The following NPAS3 variants were observed in gnomAD, a reference collection of about 807,000 sequenced individuals.
NPAS3 encodes the protein neuronal PAS domain protein 3, also known as neuronal PAS domain-containing protein 3.
NPAS3 carries 14 observed loss-of-function variants against 73.1 expected under a neutral mutation model. The ratio of observed to expected loss-of-function variants is 0.19; its 90% CI spans 0.13 to 0.30. The LOEUF is 0.30. NPAS3 is among the 10% of genes least tolerant of loss of function. NPAS3 has a pLI of 1.00. For synonymous variants in NPAS3, 620 were observed against 541.5 expected, an observed-to-expected ratio of 1.14 and a Z score of -2.01; for missense variants, 1,096 against 1,250.0, an observed-to-expected ratio of 0.88 and a Z score of 1.86.
intron 2 of NPAS3, 53 bp downstream of exon 2, chr14:33,056,047 G>A: frequency 1.3e-6 from 1 of 749,800 alleles, no homozygotes; most frequent in Non-Finnish European, 2.4e-6. Context: ...CAGTGCTTGT[G>A]GTTGCCAGCT....
chr14:33,531,917 T>C, intron 4 of NPAS3, among the ~76,000 whole-genome samples: 1 of 152,164 alleles, frequency 6.6e-6, no homozygotes, highest in East Asian at 1.9e-4. Flanking sequence ...ATTTTGCAAA[T>C]GGCTAGTGAT....
At chr14:33,208,271 G>A (rs2046905411) in intron 2 of NPAS3, among the ~76,000 whole-genome samples, 1 of 152,134 alleles carries the variant, frequency 6.6e-6, no homozygotes, top group African/African-American at 2.4e-5. Flanking sequence ...GAATCAAGGT[G>A]AACATCAGTT....
rs114430122 is a variant in NPAS3 at position 33,411,540 on chromosome 14, G to A, written c.468+44272G>A. The stretch of plus-strand genomic sequence containing the variant: ...TGCTACTGGAATCTAGGGGATAGAA[G>A]CCAGGGTTACTGTTAAATATCCTCC... On this transcript the variant is annotated intron_variant, in intron 4 of 11. Coordinates refer to ENST00000356141, the Ensembl canonical transcript of NPAS3. 1.2e-3 allele frequency among the ~76,000 whole-genome samples: 178 copies of A among 152,250 alleles called. 3 individuals are homozygous for A. The highest frequency in any genetic ancestry group is 3.4e-3 in the Middle Eastern group (1 of 294).
intron 4 of NPAS3, among the ~76,000 whole-genome samples, chr14:33,478,514 G>T (rs575490938): frequency 6.6e-6 from 1 of 152,256 alleles, no homozygotes; most frequent in South Asian, 2.1e-4. Flanking sequence ...ATTTAAATAT[G>T]TATATGATTA....
intron 3 of NPAS3, among the ~76,000 whole-genome samples, chr14:33,332,251 C>T (rs559276880): frequency 6.6e-6 from 1 of 152,102 alleles, no homozygotes; most frequent in Admixed American, 6.5e-5. Flanking sequence ...GGCTTGACCT[C>T]TTAACTAAAA....
At chr14:33,030,536 A>G (rs979632635) in intron 1 of NPAS3, among the ~76,000 whole-genome samples, 5 of 152,200 alleles carry the variant, frequency 3.3e-5, no homozygotes, top group African/African-American at 1.2e-4. Context: ...TTGATCAGGA[A>G]GTATTCTGGC....
chr14:33,357,826 G>A (rs1184328799), intron 3 of NPAS3, among the ~76,000 whole-genome samples: 1 of 152,088 alleles, frequency 6.6e-6, no homozygotes. Context: ...ATCAGGGCGG[G>A]ACATGTCACA....
At chr14:33,315,518 G>A (rs1159756420) in intron 3 of NPAS3, among the ~76,000 whole-genome samples, 1 of 151,444 alleles carries the variant, frequency 6.6e-6, no homozygotes, top group Non-Finnish European at 1.5e-5. Context: ...GGGGGGGAGT[G>A]TGTTTGTGTG....
At chr14:33,703,364 T>C (rs935901005) in intron 6 of NPAS3, among the ~76,000 whole-genome samples, 2 of 152,078 alleles carry the variant, frequency 1.3e-5, no homozygotes, top group South Asian at 2.1e-4. Flanking sequence ...CTTAGTGGCA[T>C]GTACCTATAG....
chr14:33,776,682 A>G (rs868617145), intron 8 of NPAS3, among the ~76,000 whole-genome samples: 1 of 152,118 alleles, frequency 6.6e-6, no homozygotes. Context: ...GAGGAAAAGC[A>G]TATTGTGTGC....
chr14:33,117,283 T>C (rs899207810), intron 2 of NPAS3, among the ~76,000 whole-genome samples: 1 of 152,034 alleles, frequency 6.6e-6, no homozygotes, highest in African/African-American at 2.4e-5. Flanking sequence ...TAGAGGGGAT[T>C]TGACTGGGGA....
intron 3 of NPAS3, among the ~76,000 whole-genome samples, chr14:33,316,423 C>T (rs186680898): frequency 6.0e-4 from 91 of 152,160 alleles, no homozygotes; most frequent in Non-Finnish European, 1.1e-3. Context: ...GGAGAAGTTA[C>T]GTGGCATCCT....
chr14:33,160,736 C>CTTT (rs531842982), intron 2 of NPAS3, among the ~76,000 whole-genome samples: 33 of 147,514 alleles, frequency 2.2e-4, no homozygotes, highest in African/African-American at 6.7e-4. Flanking sequence ...TATTTATTTA[C>CTTT]TTTTTTTTTG....
At chr14:33,083,489 A>G (rs1377608019) in intron 2 of NPAS3, among the ~76,000 whole-genome samples, 3 of 152,180 alleles carry the variant, frequency 2.0e-5, no homozygotes, top group Non-Finnish European at 4.4e-5. Context: ...TTAACCTGCC[A>G]TAAGTTTACT....
intron 3 of NPAS3, among the ~76,000 whole-genome samples, chr14:33,220,408 T>C (rs1280978172): frequency 6.6e-6 from 1 of 152,220 alleles, no homozygotes. Context: ...TGTATTTGCC[T>C]TTACTTAGGT....
At chr14:33,122,491 T>C (rs978397617) in intron 2 of NPAS3, among the ~76,000 whole-genome samples, 1 of 152,082 alleles carries the variant, frequency 6.6e-6, no homozygotes, top group Non-Finnish European at 1.5e-5. Context: ...TTATTTTTAA[T>C]TGATTGATAT....
chr14:33,410,965 T>C (rs1286452364), intron 4 of NPAS3, among the ~76,000 whole-genome samples: 4 of 152,102 alleles, frequency 2.6e-5, no homozygotes, highest in Admixed American at 6.6e-5. Flanking sequence ...GTATTTTTAT[T>C]CTAACTCTGC....
At chr14:33,051,090 A>C (rs2040686673) in intron 1 of NPAS3, among the ~76,000 whole-genome samples, 1 of 151,026 alleles carries the variant, frequency 6.6e-6, no homozygotes, top group South Asian at 2.1e-4. Flanking sequence ...CTGGCTAACA[A>C]GGTGAAACCC....
intron 6 of NPAS3, among the ~76,000 whole-genome samples, chr14:33,705,714 A>G (rs1374842125): frequency 6.6e-6 from 1 of 152,232 alleles, no homozygotes; most frequent in African/African-American, 2.4e-5. Flanking sequence ...TGGGATACAG[A>G]TCAGTAACTG....
Sources: allele counts gnomAD v4.1 joint callset (sites outside exome capture counted in the v4.1 genomes callset), GRCh38; gene constraint gnomAD v4.1.1; transcripts MANE v1.5; gene names NCBI Gene and HGNC (gene_info 2026-07-23, HGNC 2026-07-21).